LRRFIP1: variants seen among roughly 807,000 people sequenced by gnomAD.
LRRFIP1 encodes the protein leucine-rich repeat flightless-interacting protein 1.
In LRRFIP1, 62 loss-of-function variants were observed where a neutral mutation model predicts 104.4. That is an observed-to-expected ratio of 0.59 (90% CI 0.48 to 0.73). LRRFIP1 has a LOEUF of 0.73. Among genes scored for constraint, LRRFIP1 ranks in the 30% least tolerant of loss-of-function variants. The pLI is 0.00. For synonymous variants in LRRFIP1, 300 were observed against 299.0 expected, an observed-to-expected ratio of 1.00 and a Z score of -0.03; for missense variants, 796 against 824.5, an observed-to-expected ratio of 0.97 and a Z score of 0.42.
intron 20 of LRRFIP1, 103 bp from the exon 21 acceptor site, chr2:237,771,978 T>G: frequency 1.4e-6 from 1 of 731,180 alleles, no homozygotes; most frequent in East Asian, 2.7e-5. Context: ...AAGTGCCTTC[T>G]GTCATTTGAC....
intron 1 of LRRFIP1, among the ~76,000 whole-genome samples, chr2:237,704,090 C>A (rs2093681842): frequency 6.6e-6 from 1 of 151,808 alleles, no homozygotes; most frequent in Admixed American, 6.6e-5. Flanking sequence ...CCCTGTCAGG[C>A]TGCTGTGCCA....
At chr2:237,698,943 A>G (rs1323544891) in intron 1 of LRRFIP1, among the ~76,000 whole-genome samples, 1 of 152,258 alleles carries the variant, frequency 6.6e-6, no homozygotes, top group Non-Finnish European at 1.5e-5. Context: ...TCGAGTCAAT[A>G]TAACATTTCC....
intron 1 of LRRFIP1, among the ~76,000 whole-genome samples, chr2:237,674,494 T>C (rs541064963): frequency 3.5e-4 from 53 of 152,374 alleles, no homozygotes; most frequent in Middle Eastern, 3.4e-3. Context: ...CTTATTATTT[T>C]TGCTTTAAAA....
intron 10 of LRRFIP1, among the ~76,000 whole-genome samples, chr2:237,736,875 G>C (rs535604028): frequency 8.5e-5 from 13 of 152,334 alleles, no homozygotes; most frequent in African/African-American, 3.1e-4. Context: ...AACCCTCACA[G>C]TTCCCCTCCA....
At chr2:237,684,288 A>G (rs1305981719) in intron 1 of LRRFIP1, 1 of 151,616 alleles carries the variant, frequency 6.6e-6, no homozygotes, top group Non-Finnish European at 1.5e-5. Flanking sequence ...CCTGGCCAAC[A>G]TGGTGAAACC....
rs541072457 is a variant in LRRFIP1, at chr2:237,650,212, G to A, written c.96+22472G>A. The stretch of plus-strand genomic sequence containing the variant: ...GCTCCTGGGAAAGGTGATGTTCATG[G>A]CAGTGGGAAAGACAGCAGGTGCAAC... On this transcript the variant is annotated intron_variant, in intron 1 of 23. Coordinates refer to ENST00000308482, the MANE Select transcript of LRRFIP1 (RefSeq NM_001137550.2). Among the ~76,000 whole-genome samples the A allele has an allele frequency of 2.0e-5, 3 of 152,104 alleles. No homozygotes were observed. The East Asian group carries it at 5.8e-4, about 29-fold the overall frequency.
At position 237,649,821 on chromosome 2, in the gene LRRFIP1, T is replaced by C. The variant is rs35386105; in HGVS notation, c.96+22081T>C. Among the ~76,000 whole-genome samples the C allele has an allele frequency of 0.14, 20,746 of 151,874 alleles. 2,176 individuals carry two copies. Among genetic ancestry groups the C allele is most frequent in the Non-Finnish European group, 0.21 (14,557 of 67,854 alleles). Reference sequence around the variant, plus strand: ...CTGAGTTCATTTACCTGCTCATTCATGTATTCACTTTTCCTCCGATTCAAC... The same window carrying C: ...CTGAGTTCATTTACCTGCTCATTCACGTATTCACTTTTCCTCCGATTCAAC... On this transcript the variant is annotated intron_variant, in intron 1 of 23. Coordinates refer to ENST00000308482, the MANE Select transcript of LRRFIP1 (RefSeq NM_001137550.2). This position sits in a 1 kb window ranked among gnomAD's most constrained non-coding sequence, Gnocchi z 4.1.
rs531358860 is a variant in LRRFIP1, at chr2:237,735,243, T to C, written c.490-25T>C. On this transcript the variant is annotated intron_variant, in intron 9 of 23. Transcript: ENST00000308482. This position sits in a 1 kb window ranked among gnomAD's most constrained non-coding sequence, Gnocchi z 4.6. Reference sequence around the variant, plus strand: ...CTCTTGGAGAAAGGAAGAGCGCCCATCCTGACAGTCTCTTTTGGTCGCAGG... The same window carrying C: ...CTCTTGGAGAAAGGAAGAGCGCCCACCCTGACAGTCTCTTTTGGTCGCAGG... 5.6e-6 allele frequency: 9 copies of C among 1,608,078 alleles called. No individual in the cohort carries two copies. The East Asian group carries it at 2.0e-4, about 36-fold the overall frequency.
chr2:237,757,606 G>GT, intron 17 of LRRFIP1, 58 bp downstream of exon 17: 1 of 1,334,686 alleles, frequency 7.5e-7, no homozygotes, highest in Non-Finnish European at 1.0e-6. Context: ...AGCAAATAGA[G>GT]TTTTTTCAGA....
chr2:237,758,178 T>TCAA (rs3841863), intron 17 of LRRFIP1, among the ~76,000 whole-genome samples: 43,260 of 151,726 alleles, frequency 0.29, 6,476 homozygotes, highest in East Asian at 0.53. Context: ...GCACGTTGAC[T>TCAA]CAAGCCACAC....
intron 19 of LRRFIP1, chr2:237,763,424 A>G: frequency 6.2e-7 from 1 of 1,613,826 alleles, no homozygotes; most frequent in Non-Finnish European, 8.5e-7. Flanking sequence ...GAAGACAAAG[A>G]ACAAGAAAAA....
At chr2:237,757,374 C>T in intron 16 of LRRFIP1, 82 bp from the exon 17 acceptor site, 1 of 855,042 alleles carries the variant, frequency 1.2e-6, no homozygotes, top group Non-Finnish European at 1.9e-6. Context: ...ACTCACTGTC[C>T]CAGCTCTCAG....
In LRRFIP1 at chr2:237,748,601, G is replaced by C. The variant is rs1309648106; in HGVS notation, c.669+202G>C. On this transcript the variant is annotated intron_variant, in intron 12 of 23. Coordinates refer to ENST00000308482, the MANE Select transcript of LRRFIP1 (RefSeq NM_001137550.2). ...GGTGTGCGTTAGATCCTGTAGAGCA[G>C]GGAGGCGTTTATAATGGGCCCCACC... Among the ~76,000 whole-genome samples the C allele has an allele frequency of 8.5e-5, 13 of 152,222 alleles. No homozygotes were observed. The East Asian group carries it at 2.3e-3, about 27-fold the overall frequency.
At chr2:237,694,942 G>A (rs947633151) in intron 1 of LRRFIP1, among the ~76,000 whole-genome samples, 6 of 152,212 alleles carry the variant, frequency 3.9e-5, no homozygotes, top group East Asian at 3.8e-4. Context: ...AGGGGAGAGC[G>A]TGGACACACA....
chr2:237,705,060 G>A lies in LRRFIP1; in HGVS notation c.97-3484G>A, dbSNP rs370932992. Among the ~76,000 whole-genome samples, 8 of 152,240 alleles carry A rather than the reference G, an allele frequency of 5.3e-5. No individual in the cohort carries two copies. In the East Asian group the frequency reaches 9.7e-4, roughly 18 times the overall value. ...CGGGGTCTGACAGGGCATTGTTTTG[G>A]AGGCCTGCAAGTCTGGAGCAGGTGC... On this transcript the variant is annotated intron_variant, in intron 1 of 23. Coordinates refer to ENST00000308482, the MANE Select transcript of LRRFIP1 (RefSeq NM_001137550.2).
intron 3 of LRRFIP1, among the ~76,000 whole-genome samples, chr2:237,714,537 T>C (rs1411673376): frequency 6.6e-6 from 1 of 152,258 alleles, no homozygotes; most frequent in African/African-American, 2.4e-5. Flanking sequence ...TAAAAATTGT[T>C]TCTTTGAGAA....
chr2:237,763,217 G>A, intron 19 of LRRFIP1: 5 of 1,614,180 alleles, frequency 3.1e-6, no homozygotes, highest in Non-Finnish European at 4.2e-6. Flanking sequence ...CAACGAAGAA[G>A]AGGGTGAAGA....
chr2:237,629,671 C>T (rs191689377), intron 1 of LRRFIP1, among the ~76,000 whole-genome samples: 98 of 152,114 alleles, frequency 6.4e-4, no homozygotes, highest in African/African-American at 2.1e-3. Context: ...GGGGTTTCAC[C>T]GTGTTGGCCA....
intron 11 of LRRFIP1, among the ~76,000 whole-genome samples, chr2:237,740,416 GAAAACA>G (rs372911054): frequency 2.2e-4 from 33 of 151,682 alleles, no homozygotes; most frequent in African/African-American, 2.4e-4. Context: ...CCTGCCTCTA[GAAAACA>G]AAAACAAAAA....
Sources: allele counts gnomAD v4.1 joint callset (sites outside exome capture counted in the v4.1 genomes callset), GRCh38; gene constraint gnomAD v4.1.1; non-coding constraint Gnocchi (gnomAD v3.1); transcripts MANE v1.5; gene names NCBI Gene and HGNC (gene_info 2026-07-23, HGNC 2026-07-21).